SGSM1: variants seen among roughly 807,000 people sequenced by gnomAD.
The protein encoded by SGSM1 is small G protein signaling modulator 1, also known as RUN and TBC1 domain containing 2.
A neutral mutation model predicts 133.8 loss-of-function variants in SGSM1; 73 were observed. The observed-to-expected ratio is 0.55, with a 90% CI of 0.45 to 0.66. The LOEUF is 0.66. Among genes scored for constraint, SGSM1 ranks in the 30% least tolerant of loss-of-function variants. The pLI is 0.00. For missense variants in SGSM1, 1,213 were observed against 1,448.1 expected (o/e 0.84, Z 2.64); for synonymous variants, 563 against 573.0 (o/e 0.98, Z 0.25).
intron 12 of SGSM1, among the ~76,000 whole-genome samples, chr22:24,871,572 C>A (rs980513314): frequency 6.6e-6 from 1 of 152,194 alleles, no homozygotes; most frequent in Admixed American, 6.5e-5. Context: ...AGGTTGTCAT[C>A]ACCATCCCCC....
intron 9 of SGSM1, among the ~76,000 whole-genome samples, chr22:24,865,771 AGAAG>A (rs937607787): frequency 9.9e-5 from 15 of 152,068 alleles, no homozygotes; most frequent in African/African-American, 2.9e-4. Context: ...GGGGAGGGAG[AGAAG>A]GAAGGAAGGA....
At chr22:24,842,950 C>T (rs1332061683) in intron 2 of SGSM1, among the ~76,000 whole-genome samples, 2 of 151,836 alleles carry the variant, frequency 1.3e-5, no homozygotes, top group Non-Finnish European at 2.9e-5. Context: ...AACTAAGGTT[C>T]AGAGAAGTGA....
chr22:24,902,002 TG>T, intron 20 of SGSM1, 45 bp downstream of exon 20: 1 of 35,262 alleles, frequency 2.8e-5, no homozygotes, highest in Non-Finnish European at 6.4e-5. Flanking sequence ...GGATGGTGGG[TG>T]GGTGGGATGG....
Position 24,884,301 on chromosome 22 carries a change from C to T in SGSM1, c.1641+103C>T, listed in dbSNP as rs571235022. On this transcript the variant is annotated intron_variant, in intron 15 of 24. Coordinates refer to ENST00000400358, the MANE Select transcript of SGSM1 (RefSeq NM_001098497.3). The stretch of plus-strand genomic sequence containing the variant: ...ACATGCTTGTGGGGACTTGAGCTGA[C>T]GTGCTTGGATTCTGCATATGCAAAT... 2.9e-3 allele frequency: 4,216 copies of T among 1,433,736 alleles called. 12 individuals carry two copies. The highest frequency in any genetic ancestry group is 3.3e-3 in the Non-Finnish European group (3,500 of 1,072,042). 88.8% of individuals were successfully genotyped at this position (1,433,736 alleles called of 1,614,324 possible).
chr22:24,906,372 G>A (rs547303394), intron 21 of SGSM1, among the ~76,000 whole-genome samples: 34 of 152,260 alleles, frequency 2.2e-4, no homozygotes, highest in East Asian at 1.2e-3. Flanking sequence ...TATTTTTGCC[G>A]CCAAAGGTTC....
chr22:24,902,910 A>G (rs1430628772), intron 20 of SGSM1, among the ~76,000 whole-genome samples: 1 of 152,092 alleles, frequency 6.6e-6, no homozygotes, highest in Non-Finnish European at 1.5e-5. Flanking sequence ...GCATGATTGT[A>G]TACGCCTATA....
chr22:24,913,641 C>T (rs1345303836), intron 22 of SGSM1, among the ~76,000 whole-genome samples: 1 of 152,210 alleles, frequency 6.6e-6, no homozygotes, highest in Non-Finnish European at 1.5e-5. Context: ...CTTTAAAATA[C>T]TACAAAGTAT....
intron 12 of SGSM1, among the ~76,000 whole-genome samples, chr22:24,875,171 G>A (rs1197338773): frequency 6.6e-6 from 1 of 152,154 alleles, no homozygotes; most frequent in Admixed American, 6.5e-5. Context: ...GAAAAAAAGT[G>A]TGCAACTCTC....
At chr22:24,893,044 ACT>A (rs1158880822) in intron 16 of SGSM1, among the ~76,000 whole-genome samples, 1 of 147,468 alleles carries the variant, frequency 6.8e-6, no homozygotes, top group Non-Finnish European at 1.5e-5. Flanking sequence ...ACAGAGCCAT[ACT>A]CTGTCAAGAA....
At position 24,925,493 on chromosome 22, in the gene SGSM1, T is replaced by C. The variant is rs1181256908; in HGVS notation, c.*1219T>C. 1 of 152,184 alleles carries C rather than the reference T, an allele frequency of 6.6e-6. No individual in the cohort carries two copies. The highest frequency in any genetic ancestry group is 2.4e-5 in the African/African-American group (1 of 41,438). 9.4% of individuals were successfully genotyped at this position (152,184 alleles called of 1,614,324 possible). ...CTTGTTTTCTTCTTTTCAAGAAAAG[T>C]ATCTCCCCACATAGGCGGTGGACCC... is the stretch of plus-strand genomic sequence containing the variant. On this transcript the variant is annotated 3_prime_UTR_variant, in exon 25 of 25. Coordinates refer to ENST00000400358, the MANE Select transcript of SGSM1 (RefSeq NM_001098497.3).
In SGSM1 at chr22:24,876,587, T is replaced by G. The variant is rs748820640; in HGVS notation, c.1302T>G (p.Asp434Glu). The change falls in exon 13 of 25, where the codon GAT becomes GAG. Residue 434 changes from aspartate to glutamate, a missense_variant. Transcript: ENST00000400358. ...PGMQSEFVPQ[D>E]LMDVSVSNLP... ...TTCTATCCACCACAGTGCCCCAGGA[T>G]CTGATGGACGTCTCTGTAAGCAACC... 9.0e-5 allele frequency: 146 copies of G among 1,613,890 alleles called. 2 individuals carry two copies. The East Asian group carries it at 3.1e-3, about 34-fold the overall frequency.
intron 18 of SGSM1, 105 bp from the exon 19 acceptor site, chr22:24,897,867 T>C (rs1932961074): frequency 1.0e-6 from 1 of 993,144 alleles, no homozygotes; most frequent in South Asian, 1.6e-5. Flanking sequence ...GCATGCTTGA[T>C]CCATATTTAA....
At position 24,898,183 on chromosome 22, in the gene SGSM1, C is replaced by G; in HGVS notation, c.2234C>G (p.Thr745Ser). The G allele has an allele frequency of 6.2e-7, 1 of 1,613,924 alleles. No individual in the cohort carries two copies. Among genetic ancestry groups the G allele is most frequent in the Non-Finnish European group, 8.5e-7 (1 of 1,179,866 alleles). Residue 745 changes from threonine (T) to serine (S), a missense_variant, in exon 19 of 25, where the codon ACC (threonine) becomes AGC (serine). Transcript: ENST00000400358. ...AGTGTCTTGGACGCCCAGCGGAACA[C>G]CCCCACGGTGCTGCGACCTAGGGAT... ...EDSVLDAQRN[T>S]PTVLRPRDGS... is the part of the protein sequence containing the mutation.
At chr22:24,837,588 C>CA (rs1315780730) in intron 2 of SGSM1, among the ~76,000 whole-genome samples, 3 of 139,194 alleles carry the variant, frequency 2.2e-5, no homozygotes, top group African/African-American at 6.0e-5. Context: ...ACCCCCCCCC[C>CA]CCCTTTCCCA....
At chr22:24,900,259 T>G (rs1267442974) in intron 19 of SGSM1, among the ~76,000 whole-genome samples, 1 of 152,154 alleles carries the variant, frequency 6.6e-6, no homozygotes, top group Non-Finnish European at 1.5e-5. Flanking sequence ...CCTCAAGTGA[T>G]CTACCCGCTG....
At chr22:24,921,691 A>AT (rs1244187220) in intron 24 of SGSM1, among the ~76,000 whole-genome samples, 2 of 149,732 alleles carry the variant, frequency 1.3e-5, no homozygotes, top group African/African-American at 4.9e-5. Context: ...TGAAAAAATA[A>AT]TACATATGTA....
intron 2 of SGSM1, among the ~76,000 whole-genome samples, chr22:24,816,792 T>C (rs896235698): frequency 1.3e-4 from 20 of 152,214 alleles, no homozygotes; most frequent in African/African-American, 4.8e-4. Flanking sequence ...CCTTCTTCTG[T>C]TTTGGCATTA....
chr22:24,886,435 G>A (rs1932604711), intron 15 of SGSM1, among the ~76,000 whole-genome samples, 165 bp from the exon 16 acceptor site: 1 of 151,924 alleles, frequency 6.6e-6, no homozygotes, highest in South Asian at 2.1e-4. Context: ...TGGGTGCAGT[G>A]GCTCACGCCT....
intron 18 of SGSM1, 116 bp downstream of exon 18, chr22:24,895,407 TTTATA>T: frequency 9.6e-7 from 1 of 1,041,090 alleles, no homozygotes; most frequent in South Asian, 1.4e-5. Context: ...GTTTTAGCTT[TTTATA>T]TTAGCATTAA....
Sources: gnomAD v4.1 joint callset for allele counts (sites outside exome capture counted in the v4.1 genomes callset) on GRCh38, gnomAD v4.1.1 for gene constraint, MANE v1.5 for transcripts, NCBI Gene and HGNC (gene_info 2026-07-23, HGNC 2026-07-21) for gene names.